MRPL48: variants seen among roughly 807,000 people sequenced by gnomAD.
The protein encoded by MRPL48 is large ribosomal subunit protein mL48.
Under a neutral mutation model 32.9 loss-of-function variants are expected in MRPL48, and 16 were observed. The observed-to-expected ratio is 0.49, with a 90% confidence interval of 0.33 to 0.74. The LOEUF is 0.74. MRPL48 is among the 30% of genes least tolerant of loss of function. The pLI, the probability that MRPL48 is intolerant of heterozygous loss-of-function variation, is 0.02. For synonymous variants in MRPL48, 94 were observed against 89.2 expected (o/e 1.05, Z -0.31); for missense variants, 206 against 245.3 (o/e 0.84, Z 1.07).
chr11:73,864,157 A>G (rs1199606091), intron 7 of MRPL48, 139 bp from the exon 8 acceptor site: 2 of 676,916 alleles, frequency 3.0e-6, no homozygotes, highest in Admixed American at 2.7e-5. Context: ...AGTCTGCTAC[A>G]TAGTAGATAA....
intron 3 of MRPL48, 77 bp from the exon 4 acceptor site, chr11:73,825,631 G>A (rs1947873218): frequency 1.5e-6 from 2 of 1,306,768 alleles, no homozygotes; most frequent in Non-Finnish European, 2.1e-6. Flanking sequence ...GGGTGACAGA[G>A]CAAGACCCTG....
chr11:73,851,099 G>A, intron 5 of MRPL48: 1 of 491,906 alleles, frequency 2.0e-6, no homozygotes, highest in Non-Finnish European at 4.1e-6. Flanking sequence ...TAGAACCTTA[G>A]TGTTTAATTT....
intron 1 of MRPL48, 112 bp from the exon 2 acceptor site, chr11:73,804,915 C>A: frequency 4.5e-6 from 4 of 881,986 alleles, no homozygotes; most frequent in Admixed American, 5.8e-5. Context: ...TAGATAAGAG[C>A]CTTTTTGTCC....
chr11:73,808,895 C>T (rs947193667), intron 3 of MRPL48, among the ~76,000 whole-genome samples: 4 of 151,702 alleles, frequency 2.6e-5, no homozygotes, highest in African/African-American at 9.7e-5. Context: ...TGCACTCCAG[C>T]CTGGGGGACA....
chr11:73,788,520 C>G (rs1160158127), intron 1 of MRPL48, among the ~76,000 whole-genome samples: 2 of 132,700 alleles, frequency 1.5e-5, no homozygotes, highest in African/African-American at 5.9e-5. Flanking sequence ...GTTGCCCAGG[C>G]TGGAGTGCAG....
At chr11:73,838,735 C>T (rs1041406112) in intron 4 of MRPL48, among the ~76,000 whole-genome samples, 1 of 152,196 alleles carries the variant, frequency 6.6e-6, no homozygotes, top group Non-Finnish European at 1.5e-5. Context: ...GCTTCCCACT[C>T]ACCGCAAGGT....
intron 4 of MRPL48, among the ~76,000 whole-genome samples, chr11:73,831,176 C>T (rs1333125829): frequency 6.6e-6 from 1 of 152,024 alleles, no homozygotes; most frequent in Non-Finnish European, 1.5e-5. Flanking sequence ...CGGTTTATAA[C>T]TCTGAATAGT....
chr11:73,806,402 A>G (rs1041954337), intron 2 of MRPL48, among the ~76,000 whole-genome samples: 1 of 152,144 alleles, frequency 6.6e-6, no homozygotes, highest in Non-Finnish European at 1.5e-5. Context: ...GGTTTGTCCT[A>G]TACTTTTTTC....
chr11:73,806,820 T>C (rs894647321), intron 2 of MRPL48, among the ~76,000 whole-genome samples: 1 of 152,090 alleles, frequency 6.6e-6, no homozygotes, highest in Non-Finnish European at 1.5e-5. Flanking sequence ...CAAATCCAAG[T>C]TGTCTTTTTT....
chr11:73,844,852 G>A lies in MRPL48; in HGVS notation c.247G>A (p.Gly83Arg). ...GKVEVRAINL[G>R]TDYEYGVLNI... Reference sequence around the variant, plus strand: ...AGTGGAAGTGAGAGCCATTAATTTGGGGACAGATTATGAATATGGGGTTTT... The same window carrying A: ...AGTGGAAGTGAGAGCCATTAATTTGAGGACAGATTATGAATATGGGGTTTT... The change falls in exon 5 of 8, where the codon GGG (glycine) becomes AGG (arginine). Residue 83 changes from glycine to arginine, a missense_variant. Transcript: ENST00000310614. 2 of 1,613,716 alleles carry A rather than the reference G, an allele frequency of 1.2e-6. No individual in the cohort carries two copies. Among genetic ancestry groups the A allele is most frequent in the South Asian group, 2.2e-5 (2 of 90,974 alleles).
chr11:73,835,366 T>C (rs2135033197), intron 4 of MRPL48, among the ~76,000 whole-genome samples: 1 of 151,364 alleles, frequency 6.6e-6, no homozygotes, highest in East Asian at 2.0e-4. Flanking sequence ...AGTCTCGATC[T>C]CCTGACCTCG....
rs191406190 is a variant in MRPL48 at position 73,844,783 on chromosome 11, T to C, written c.202-24T>C. The C allele has an allele frequency of 2.2e-4, 349 of 1,598,764 alleles. 1 individual carries two copies. The African/African-American group carries it at 4.0e-3, about 18-fold the overall frequency. On this transcript the variant is annotated intron_variant, in intron 4 of 7. Transcript: ENST00000310614. ...ATTTCTTGTATAATACTTTATTTTC[T>C]TTCTCTCTTTGTTTTCTCTTCAGCC...
At chr11:73,854,064 G>A (rs1948447319) in intron 5 of MRPL48, among the ~76,000 whole-genome samples, 1 of 152,150 alleles carries the variant, frequency 6.6e-6, no homozygotes, top group Non-Finnish European at 1.5e-5. Flanking sequence ...TACCTACAGT[G>A]GGTCAGTCAG....
intron 1 of MRPL48, among the ~76,000 whole-genome samples, chr11:73,794,229 TA>T (rs1947207494): frequency 6.7e-6 from 1 of 149,170 alleles, no homozygotes. Context: ...TCTATCTATC[TA>T]AACTATCTGT....
chr11:73,810,661 A>G (rs1947550748), intron 3 of MRPL48, among the ~76,000 whole-genome samples: 1 of 151,306 alleles, frequency 6.6e-6, no homozygotes, highest in Non-Finnish European at 1.5e-5. Context: ...GCACCCATCA[A>G]CCCATCACCT....
intron 1 of MRPL48, among the ~76,000 whole-genome samples, chr11:73,795,410 T>C (rs902686058): frequency 2.0e-5 from 3 of 151,988 alleles, no homozygotes; most frequent in Non-Finnish European, 4.4e-5. Context: ...TTTTTTTTTT[T>C]TAAAGTATAA....
At chr11:73,794,035 A>C (rs1175658075) in intron 1 of MRPL48, among the ~76,000 whole-genome samples, 2 of 151,714 alleles carry the variant, frequency 1.3e-5, no homozygotes, top group Non-Finnish European at 2.9e-5. Flanking sequence ...AAAAATACAA[A>C]AATTAGCCAG....
chr11:73,828,445 C>G (rs1031788008), intron 4 of MRPL48, among the ~76,000 whole-genome samples: 1 of 151,998 alleles, frequency 6.6e-6, no homozygotes, highest in Non-Finnish European at 1.5e-5. Context: ...AGACTGGTCT[C>G]AAACTCCTGA....
chr11:73,840,098 TAA>T (rs35939600), intron 4 of MRPL48, among the ~76,000 whole-genome samples: 13 of 137,066 alleles, frequency 9.5e-5, no homozygotes, highest in Admixed American at 1.5e-4. Context: ...ACCCTGTCCT[TAA>T]AAAAAAAAAA....
Sources: allele counts gnomAD v4.1 joint callset (sites outside exome capture counted in the v4.1 genomes callset), GRCh38; gene constraint gnomAD v4.1.1; transcripts MANE v1.5; gene names NCBI Gene and HGNC (gene_info 2026-07-23, HGNC 2026-07-21).